Variants in CBX2 observed in about 807,000 individuals in gnomAD.
CBX2 encodes the protein chromobox 2.
A neutral mutation model predicts 21.0 loss-of-function variants in CBX2; 11 were observed. That is an observed-to-expected ratio of 0.52 (90% confidence interval 0.33 to 0.87). The LOEUF (loss-of-function observed/expected upper bound fraction) is 0.87, where lower values mean the gene tolerates loss of function less well. Ranked by LOEUF, CBX2 falls within the 40% of genes least tolerant of loss-of-function variation. The probability of loss-of-function intolerance (pLI) is 0.02; values close to 1 mark genes in which losing one functional copy is unlikely to be tolerated. For missense variants in CBX2, 746 were observed against 724.3 expected (o/e 1.03, Z -0.34); for synonymous variants, 364 against 304.6 (o/e 1.19, Z -2.03).
chr17:79,780,627 G>A (rs1007675815), intron 3 of CBX2, among the ~76,000 whole-genome samples: 2 of 152,106 alleles, frequency 1.3e-5, no homozygotes, highest in Non-Finnish European at 2.9e-5. Flanking sequence ...CCCATGGGTG[G>A]CTTGGATGAC....
chr17:79,780,777 G>T (rs1907122502), intron 3 of CBX2, among the ~76,000 whole-genome samples: 2 of 152,212 alleles, frequency 1.3e-5, no homozygotes, highest in South Asian at 4.1e-4. Flanking sequence ...CGACGCACAG[G>T]ATCACAGCAG....
chr17:79,780,448 C>T (rs560643340), intron 3 of CBX2, among the ~76,000 whole-genome samples: 5 of 152,310 alleles, frequency 3.3e-5, no homozygotes, highest in South Asian at 2.1e-4. Flanking sequence ...AGCAACCCAT[C>T]GTCTTCTGTT....
intron 4 of CBX2, 114 bp from the exon 5 acceptor site, chr17:79,783,618 C>T: frequency 3.3e-6 from 3 of 895,606 alleles, no homozygotes; most frequent in African/African-American, 1.6e-5. Flanking sequence ...CTATGTTGGC[C>T]AGGCTGGTCT....
chr17:79,777,485 T>C (rs1447511113), upstream of CBX2, among the ~76,000 whole-genome samples: 1 of 152,246 alleles, frequency 6.6e-6, no homozygotes, highest in African/African-American at 2.4e-5. Flanking sequence ...GTATTACTTC[T>C]TTCTCAGAGT....
chr17:79,779,259 C>CGGCCCAAGTCGAG, intron 2 of CBX2, 103 bp from the exon 3 acceptor site: 1 of 1,111,716 alleles, frequency 9.0e-7, no homozygotes, highest in Non-Finnish European at 1.3e-6. Flanking sequence ...CCACTGCCAT[C>CGGCCCAAGTCGAG]GGCCCAAGTC....
rs1459161466 is a variant in CBX2 at position 79,787,328 on chromosome 17, A to G, written c.*2286A>G. On this transcript the variant is annotated 3_prime_UTR_variant, in exon 5 of 5. Coordinates refer to ENST00000310942, the MANE Select transcript of CBX2 (RefSeq NM_005189.3). ...GCCTGGGCAGGCCAGATTCCTCCCC[A>G]GCAGCCGGGTCTCTCCAGACCCTGA... is the stretch of plus-strand genomic sequence containing the variant. The G allele has an allele frequency of 6.5e-6, 1 of 152,674 alleles. No individual in the cohort carries two copies. Among genetic ancestry groups the G allele is most frequent in the Non-Finnish European group, 1.5e-5 (1 of 68,060 alleles). The allele number at this position is 152,674 out of a possible 1,614,324, so 9.5% of individuals were successfully genotyped here.
Position 79,785,200 on chromosome 17 carries a change from G to C in CBX2, c.*158G>C, listed in dbSNP as rs1474249609. 86 of 667,372 alleles carry C rather than the reference G, an allele frequency of 1.3e-4. 2 individuals are homozygous for C. The highest frequency in any genetic ancestry group is 1.0e-3 in the South Asian group (60 of 57,648). The allele number at this position is 667,372 out of a possible 1,614,324, so 41.3% of individuals were successfully genotyped here. ...GGCAGGCTTGGAAGGGACTTCTCCC[G>C]CACCCCACTCTGTCCCAGGACATAG... On this transcript the variant is annotated 3_prime_UTR_variant, in exon 5 of 5. Coordinates refer to ENST00000310942, the MANE Select transcript of CBX2 (RefSeq NM_005189.3).
rs1403953679 is a variant in CBX2, at chr17:79,778,372, C to G, written c.73-12C>G. 6.3e-7 allele frequency: 1 copy of G among 1,585,276 alleles called. No homozygotes were observed. Among genetic ancestry groups the G allele is most frequent in the Non-Finnish European group, 8.5e-7 (1 of 1,170,648 alleles). ...GTCCGTCTGGCTCACGGCCCCTCTTCTCTCCCCGCAGGGCAAGCTGGAGTA... is the reference window on the plus strand; with the variant it reads ...GTCCGTCTGGCTCACGGCCCCTCTTGTCTCCCCGCAGGGCAAGCTGGAGTA... On this transcript the variant is annotated splice_polypyrimidine_tract_variant and intron_variant, in intron 1 of 4. Coordinates refer to ENST00000310942, the MANE Select transcript of CBX2 (RefSeq NM_005189.3). This position sits in a 1 kb window ranked among gnomAD's most constrained non-coding sequence, Gnocchi z 4.8.
In CBX2 at chr17:79,784,449, G is replaced by T. The variant is rs1471885621; in HGVS notation, c.1006G>T (p.Val336Leu). 1 of 1,612,032 alleles carries T rather than the reference G, an allele frequency of 6.2e-7. No homozygotes were observed. Among genetic ancestry groups the T allele is most frequent in the Non-Finnish European group, 8.5e-7 (1 of 1,179,596 alleles). ...GPPHTHGASRVPAGCPGPQPA... is the reference protein window; with the variant it reads ...GPPHTHGASRLPAGCPGPQPA... Reference sequence around the variant, plus strand: ...CCCGCACACCCATGGTGCCAGCAGGGTGCCTGCTGGGTGCCCAGGCCCCCA... The same window carrying T: ...CCCGCACACCCATGGTGCCAGCAGGTTGCCTGCTGGGTGCCCAGGCCCCCA... The change falls in exon 5 of 5, where the codon GTG becomes TTG. Residue 336 changes from valine to leucine, a missense_variant. Val to Leu is a conservative substitution (Grantham distance 32, BLOSUM62 1). Transcript: ENST00000310942. The surrounding 1 kb of genome is among the most constrained non-coding windows in gnomAD (Gnocchi z 5.9).
At chr17:79,782,989 G>A (rs1907345201) in intron 4 of CBX2, among the ~76,000 whole-genome samples, 1 of 152,158 alleles carries the variant, frequency 6.6e-6, no homozygotes, top group Non-Finnish European at 1.5e-5. Flanking sequence ...TGGGGATACT[G>A]AAGCCCACTT....
Position 79,779,347 on chromosome 17 carries a change from T to C in CBX2, c.117-15T>C. ...CAGCCTGGCGTCTAATGCTGCCCTG[T>C]CCTCTGCTTTGCAGACATAACAGCT... On this transcript the variant is annotated splice_polypyrimidine_tract_variant and intron_variant, in intron 2 of 4. Coordinates refer to ENST00000310942, the MANE Select transcript of CBX2 (RefSeq NM_005189.3). 1 of 1,612,970 alleles carries C rather than the reference T, an allele frequency of 6.2e-7. No homozygotes were observed. Among genetic ancestry groups the C allele is most frequent in the Non-Finnish European group, 8.5e-7 (1 of 1,179,638 alleles).
At position 79,783,557 on chromosome 17, in the gene CBX2, G is replaced by A. The variant is rs529894234; in HGVS notation, c.289-175G>A. ...CTGCAGTAGCTGGGACTACAGGTGC[G>A]CGCCACAACACCCGGCTAATTTTTG... is the stretch of plus-strand genomic sequence containing the variant. On this transcript the variant is annotated intron_variant, in intron 4 of 4. Coordinates refer to ENST00000310942, the MANE Select transcript of CBX2 (RefSeq NM_005189.3). 1.2e-4 allele frequency among the ~76,000 whole-genome samples: 18 copies of A among 152,112 alleles called. No individual in the cohort carries two copies. The South Asian group carries it at 2.3e-3, about 19-fold the overall frequency.
Position 79,783,963 on chromosome 17 carries a change from A to G in CBX2, c.520A>G (p.Lys174Glu). Residue 174 changes from lysine (K) to glutamate (E), a missense_variant, in exon 5 of 5, where the codon AAG (lysine) becomes GAG (glutamate). By Grantham distance (56) the Lys-to-Glu change is moderately conservative. Around this residue, in one of 2 missense-constraint regions of CBX2, gnomAD observed 701 missense variants for 650.7 expected, o/e 1.08. Coordinates refer to ENST00000310942, the MANE Select transcript of CBX2 (RefSeq NM_005189.3). ...RGRKPLPPEQ[K>E]ATRRPVSLAK... Reference sequence around the variant, plus strand: ...ACGAAAGCCCCTGCCCCCAGAGCAAAAGGCAACCCGAAGACCCGTGAGCCT... The same window carrying G: ...ACGAAAGCCCCTGCCCCCAGAGCAAGAGGCAACCCGAAGACCCGTGAGCCT... 6.2e-7 allele frequency: 1 copy of G among 1,613,828 alleles called. No individual in the cohort carries two copies.
At chr17:79,777,974 C>T (rs1192641101), upstream of CBX2, among the ~76,000 whole-genome samples, 1 of 144,186 alleles carries the variant, frequency 6.9e-6, no homozygotes, top group Non-Finnish European at 1.5e-5. Flanking sequence ...CCCGCCGGAG[C>T]GCGAGGCCCA....
At chr17:79,778,081 G>A (rs1240651945), upstream of CBX2, 3 of 161,898 alleles carry the variant, frequency 1.9e-5, no homozygotes, top group East Asian at 4.0e-4. The surrounding 1 kb of genome is among the most constrained non-coding windows in gnomAD (Gnocchi z 4.8). Context: ...GGGGCGGGCG[G>A]CGGGCCGGGG....
At chr17:79,782,156 A>T in intron 4 of CBX2, 2 of 1,612,730 alleles carry the variant, frequency 1.2e-6, no homozygotes, top group Non-Finnish European at 1.7e-6. Context: ...GTAGGTGCTC[A>T]TAGGATTGCC....
upstream of CBX2, among the ~76,000 whole-genome samples, chr17:79,777,688 A>C (rs1906818306): frequency 6.6e-6 from 1 of 152,054 alleles, no homozygotes; most frequent in South Asian, 2.1e-4. Context: ...AGCCGGGGGA[A>C]GGGTGGGGCC....
At chr17:79,781,054 C>A (rs1907148710) in intron 3 of CBX2, among the ~76,000 whole-genome samples, 2 of 127,362 alleles carry the variant, frequency 1.6e-5, no homozygotes, top group Admixed American at 8.0e-5. Flanking sequence ...GGAGGCTCTT[C>A]TGGGGGCGGG....
In CBX2 at chr17:79,778,286, C is replaced by G; in HGVS notation, c.51C>G (p.Ile17Met). 1 of 1,549,828 alleles carries G rather than the reference C, an allele frequency of 6.5e-7. No individual in the cohort carries two copies. Among genetic ancestry groups the G allele is most frequent in the Admixed American group, 1.9e-5 (1 of 53,984 alleles). ...VGEQVFAAEC[I>M]LSKRLRKGKL... ...AGCAGGTCTTCGCCGCCGAGTGCAT[C>G]CTGAGCAAGCGGCTCCGCAAGGTGC... is the stretch of plus-strand genomic sequence containing the variant. Residue 17 changes from isoleucine to methionine, a missense_variant, in exon 1 of 5, where the codon ATC (isoleucine) becomes ATG (methionine). Ile to Met is a conservative substitution (Grantham distance 10). Transcript: ENST00000310942. This position sits in a 1 kb window ranked among gnomAD's most constrained non-coding sequence, Gnocchi z 4.8.
Sources: allele counts gnomAD v4.1 joint callset (sites outside exome capture counted in the v4.1 genomes callset), GRCh38; gene constraint gnomAD v4.1.1; regional missense constraint gnomAD v4.1.1; non-coding constraint Gnocchi (gnomAD v3.1); transcripts MANE v1.5; gene names NCBI Gene and HGNC (gene_info 2026-07-23, HGNC 2026-07-21).